The following CNTNAP3 variants were observed in gnomAD, a reference collection of about 807,000 sequenced individuals.
CNTNAP3 encodes the protein contactin-associated protein-like 3.
A neutral mutation model predicts 92.1 loss-of-function variants in CNTNAP3; 36 were observed. The observed-to-expected ratio is 0.39, with a 90% CI of 0.30 to 0.52. The LOEUF is 0.52. Among genes scored for constraint, CNTNAP3 ranks in the 20% least tolerant of loss-of-function variants. CNTNAP3 has a pLI of 0.76. For missense variants in CNTNAP3, 534 were observed against 1,069.6 expected (o/e 0.50, Z 6.98); for synonymous variants, 232 against 422.3 (o/e 0.55, Z 5.53).
intron 13 of CNTNAP3, among the ~76,000 whole-genome samples, chr9:39,125,938 T>A (rs1053358726): frequency 9.9e-5 from 15 of 152,028 alleles, no homozygotes; most frequent in African/African-American, 3.4e-4. Flanking sequence ...AGGAAGAAAA[T>A]CATTAAGGAT....
intron 14 of CNTNAP3, among the ~76,000 whole-genome samples, chr9:39,114,761 A>G (rs535228269): frequency 7.6e-4 from 116 of 151,998 alleles, no homozygotes; most frequent in Non-Finnish European, 1.5e-3. Flanking sequence ...TTTTGTGGTT[A>G]CTTTTAAAGA....
At chr9:39,128,896 C>T (rs1284832308) in intron 13 of CNTNAP3, among the ~76,000 whole-genome samples, 1 of 151,016 alleles carries the variant, frequency 6.6e-6, no homozygotes, top group East Asian at 1.9e-4. Flanking sequence ...CACAACAGCA[C>T]TTATAATCAA....
chr9:39,109,256 C>T lies in CNTNAP3; in HGVS notation c.2269G>A (p.Glu757Lys). 1 of 1,612,108 alleles carries T rather than the reference C, an allele frequency of 6.2e-7. No individual in the cohort carries two copies. Among genetic ancestry groups the T allele is most frequent in the Non-Finnish European group, 8.5e-7 (1 of 1,179,756 alleles). ...ACAATCTGAGTGACTGGCAGGTGCT[C>T]CTTTTGGGAAAGGACTATTGTGTCA... ...TSDTIVLSQK[E>K]HLPVTQIVMT... The change falls in exon 15 of 24, where the codon GAG becomes AAG. Residue 757 changes from glutamate (E) to lysine (K), a missense_variant. Transcript: ENST00000297668.
chr9:39,132,634 C>A (rs1357076148), intron 13 of CNTNAP3, among the ~76,000 whole-genome samples: 2 of 152,104 alleles, frequency 1.3e-5, no homozygotes, highest in African/African-American at 4.8e-5. Flanking sequence ...CAGCCATTAT[C>A]TCCTCAGTGT....
chr9:39,086,080 G>T (rs1040302433), intron 20 of CNTNAP3: 127 of 551,488 alleles, frequency 2.3e-4, no homozygotes, highest in Non-Finnish European at 3.4e-4. Flanking sequence ...ATAATGGAAG[G>T]ATCTATAATT....
chr9:39,074,292 T>C (rs531645320), intron 23 of CNTNAP3, among the ~76,000 whole-genome samples: 7 of 151,974 alleles, frequency 4.6e-5, no homozygotes, highest in African/African-American at 1.7e-4. Flanking sequence ...GTCTCCCAAA[T>C]TGTTGGGATT....
chr9:39,140,862 T>C (rs1821557991), intron 11 of CNTNAP3, among the ~76,000 whole-genome samples: 1 of 152,208 alleles, frequency 6.6e-6, no homozygotes, highest in Admixed American at 6.5e-5. Context: ...TCAAAATACA[T>C]TCAAATGTTG....
chr9:39,136,756 C>G (rs1026468216), intron 12 of CNTNAP3, among the ~76,000 whole-genome samples: 1 of 151,954 alleles, frequency 6.6e-6, no homozygotes, highest in Non-Finnish European at 1.5e-5. Context: ...CAAAAATTAG[C>G]CAGGCATGGT....
intron 21 of CNTNAP3, among the ~76,000 whole-genome samples, chr9:39,084,750 AACCAATCCTAAAAT>A: frequency 6.6e-6 from 1 of 152,276 alleles, no homozygotes; most frequent in South Asian, 2.1e-4. Context: ...TGTATAGCAG[AACCAATCCTAAAAT>A]ACAGTTGTTC....
intron 18 of CNTNAP3, among the ~76,000 whole-genome samples, chr9:39,094,654 G>C (rs1826287559): frequency 2.0e-5 from 3 of 151,572 alleles, no homozygotes; most frequent in African/African-American, 4.8e-5. Context: ...TCAATTGACT[G>C]TATGTACGTA....
intron 23 of CNTNAP3, among the ~76,000 whole-genome samples, chr9:39,075,400 C>T (rs1188933418): frequency 2.0e-5 from 3 of 151,362 alleles, no homozygotes; most frequent in African/African-American, 7.3e-5. Flanking sequence ...ATATTAGTGA[C>T]AAATGAAAGT....
In CNTNAP3 at chr9:39,088,583, T is replaced by TA. The variant is rs1224729091; in HGVS notation, c.3059dup (p.Leu1020PhefsTer3). ...AAACGAGAGAGCTGGAGTTTTCACT[T>TA]AAAGTGTAATGTTCTTGAAAATGGT... On this transcript the variant is annotated frameshift_variant, in exon 19 of 24. Transcript: ENST00000297668. LOFTEE classifies it high-confidence loss of function. 1 of 1,597,530 alleles carries TA rather than the reference T, an allele frequency of 6.3e-7. No individual in the cohort carries two copies. The highest frequency in any genetic ancestry group is 8.5e-7 in the Non-Finnish European group (1 of 1,179,790).
chr9:39,114,009 TAC>T (rs762455359), intron 14 of CNTNAP3, among the ~76,000 whole-genome samples: 1 of 142,644 alleles, frequency 7.0e-6, no homozygotes, highest in African/African-American at 2.9e-5. Flanking sequence ...CACATATATA[TAC>T]ACACATATAT....
At chr9:39,094,621 CT>C (rs1482257249) in intron 18 of CNTNAP3, among the ~76,000 whole-genome samples, 2 of 151,516 alleles carry the variant, frequency 1.3e-5, no homozygotes, top group African/African-American at 4.8e-5. Context: ...ATTGAATGAT[CT>C]TGACAAAGAC....
intron 18 of CNTNAP3, among the ~76,000 whole-genome samples, chr9:39,090,801 T>A (rs1376694257): frequency 6.2e-4 from 94 of 152,086 alleles, no homozygotes; most frequent in African/African-American, 2.1e-3. Context: ...TGGTATTTTA[T>A]TTATATTAAT....
Position 39,105,680 on chromosome 9 carries a change from A to G in CNTNAP3, c.2366-1766T>C, listed in dbSNP as rs1350475644. Among the ~76,000 whole-genome samples, 4 of 151,800 alleles carry G rather than the reference A, an allele frequency of 2.6e-5. No homozygotes were observed. In the East Asian group the frequency reaches 7.8e-4, roughly 29 times the overall value. Reference sequence around the variant, plus strand: ...ACAAAATGATCCAGGCTCATCTTACATTTTCTCTGCCACATTTCTGGAATC... The same window carrying G: ...ACAAAATGATCCAGGCTCATCTTACGTTTTCTCTGCCACATTTCTGGAATC... On this transcript the variant is annotated intron_variant, in intron 15 of 23. Transcript: ENST00000297668.
intron 18 of CNTNAP3, among the ~76,000 whole-genome samples, chr9:39,093,858 T>C (rs1826269482): frequency 6.6e-6 from 1 of 151,294 alleles, no homozygotes; most frequent in South Asian, 2.1e-4. Context: ...TTGTTTTCAA[T>C]TGTTTTGGTT....
chr9:39,118,344 A>G (rs763169286), intron 13 of CNTNAP3, 85 bp from the exon 14 acceptor site: 82 of 1,576,078 alleles, frequency 5.2e-5, no homozygotes, highest in Non-Finnish European at 6.1e-5. Context: ...TCCCAGGTGT[A>G]AAGTGTATGT....
chr9:39,159,321 C>G (rs761922818), intron 9 of CNTNAP3: 2 of 143,720 alleles, frequency 1.4e-5, no homozygotes, highest in African/African-American at 5.1e-5. Context: ...TTTTGACTTT[C>G]TGTTGAAACT....
Sources: allele counts gnomAD v4.1 joint callset (sites outside exome capture counted in the v4.1 genomes callset), GRCh38; gene constraint gnomAD v4.1.1; transcripts MANE v1.5; gene names NCBI Gene and HGNC (gene_info 2026-07-23, HGNC 2026-07-21).